Variants in RALYL observed in about 807,000 individuals in gnomAD.
The protein encoded by RALYL is RALY RNA binding protein like.
Under a neutral mutation model 35.1 loss-of-function variants are expected in RALYL, and 29 were observed. The observed-to-expected ratio is 0.83, with a 90% confidence interval of 0.61 to 1.13. The LOEUF (loss-of-function observed/expected upper bound fraction) is 1.13, where lower values mean the gene tolerates loss of function less well. RALYL is among the 50% of genes most tolerant of loss of function. The pLI is 0.00. For missense variants in RALYL, 359 were observed against 360.4 expected, an observed-to-expected ratio of 1.00 and a Z score of 0.03; for synonymous variants, 120 against 127.6, an observed-to-expected ratio of 0.94 and a Z score of 0.40.
chr8:84,268,925 G>C (rs1479651783), intron 1 of RALYL, among the ~76,000 whole-genome samples: 2 of 152,116 alleles, frequency 1.3e-5, no homozygotes, highest in African/African-American at 4.8e-5. Context: ...TAATCTACTA[G>C]CATATACAGT....
intron 2 of RALYL, among the ~76,000 whole-genome samples, chr8:84,764,680 G>A (rs1187848514): frequency 6.6e-6 from 1 of 152,156 alleles, no homozygotes; most frequent in Non-Finnish European, 1.5e-5. Flanking sequence ...AGAGGCCAAC[G>A]TGCCATAGTG....
chr8:84,412,841 T>C (rs926209767), intron 1 of RALYL, among the ~76,000 whole-genome samples: 18 of 151,882 alleles, frequency 1.2e-4, no homozygotes, highest in African/African-American at 3.4e-4. Flanking sequence ...TAGAGACATA[T>C]AGTTTAAAGT....
At chr8:84,400,599 A>T (rs2042791063) in intron 1 of RALYL, among the ~76,000 whole-genome samples, 1 of 152,170 alleles carries the variant, frequency 6.6e-6, no homozygotes. Context: ...CTGGAGCCAT[A>T]TTTCTAAATC....
intron 1 of RALYL, among the ~76,000 whole-genome samples, chr8:84,518,400 A>T (rs2058218968): frequency 6.6e-6 from 1 of 152,214 alleles, no homozygotes; most frequent in South Asian, 2.1e-4. Flanking sequence ...ATCAATAGGA[A>T]TAAGATTTAT....
chr8:84,548,693 G>A (rs1303935610), intron 2 of RALYL, among the ~76,000 whole-genome samples: 1 of 152,068 alleles, frequency 6.6e-6, no homozygotes, highest in Non-Finnish European at 1.5e-5. Flanking sequence ...CACTTTTGTT[G>A]TTTTCAAAAG....
intron 1 of RALYL, among the ~76,000 whole-genome samples, chr8:84,211,065 T>C (rs1819383669): frequency 6.6e-6 from 1 of 152,176 alleles, no homozygotes; most frequent in South Asian, 2.1e-4. Flanking sequence ...TGTGCAGATA[T>C]TGTGTGGTCA....
At position 84,379,418 on chromosome 8, in the gene RALYL, T is replaced by A. The variant is rs186422004; in HGVS notation, c.-23-149881T>A. On this transcript the variant is annotated intron_variant, in intron 1 of 8. Transcript: ENST00000521268. ...ATATTTATTAAACTATGCATCCAAG[T>A]GTTTGTGAGTAAAAATGTAGTACTT... Among the ~76,000 whole-genome samples, 462 of 152,072 alleles carry A rather than the reference T, an allele frequency of 3.0e-3. 2 individuals carry two copies. Among genetic ancestry groups the A allele is most frequent in the Middle Eastern group, 6.8e-3 (2 of 294 alleles).
intron 1 of RALYL, among the ~76,000 whole-genome samples, chr8:84,421,928 T>A (rs1031073826): frequency 2.0e-5 from 3 of 151,584 alleles, no homozygotes; most frequent in African/African-American, 7.3e-5. Context: ...AGCTTTTTGA[T>A]GTGCTGCTGG....
chr8:84,572,228 T>A (rs1172806921), intron 2 of RALYL, among the ~76,000 whole-genome samples: 3 of 95,178 alleles, frequency 3.2e-5, no homozygotes, highest in Admixed American at 9.5e-5. Context: ...TTGTTGTTTG[T>A]TTTTTGTTTT....
intron 2 of RALYL, among the ~76,000 whole-genome samples, chr8:84,595,380 A>G (rs1814255759): frequency 2.0e-5 from 3 of 152,152 alleles, no homozygotes; most frequent in African/African-American, 7.2e-5. Flanking sequence ...AATATCTCAA[A>G]GTGAACAGCT....
intron 1 of RALYL, among the ~76,000 whole-genome samples, chr8:84,260,065 C>A (rs1831968405): frequency 6.6e-6 from 1 of 152,094 alleles, no homozygotes; most frequent in Non-Finnish European, 1.5e-5. Context: ...GGCAGCTATA[C>A]AAGAAGGATT....
At chr8:84,564,824 GTAA>G (rs948931898) in intron 2 of RALYL, among the ~76,000 whole-genome samples, 2 of 151,328 alleles carry the variant, frequency 1.3e-5, no homozygotes, top group Admixed American at 1.3e-4. Flanking sequence ...ATTTTGTATT[GTAA>G]TGATTGTTCA....
chr8:84,423,927 T>C (rs929370578), intron 1 of RALYL, among the ~76,000 whole-genome samples: 5 of 151,960 alleles, frequency 3.3e-5, no homozygotes, highest in South Asian at 2.1e-4. Flanking sequence ...CTGCTGTTAG[T>C]CTGATGGGCT....
chr8:84,357,984 C>T (rs1397700453), intron 1 of RALYL, among the ~76,000 whole-genome samples: 1 of 151,432 alleles, frequency 6.6e-6, no homozygotes, highest in East Asian at 1.9e-4. Flanking sequence ...ATGTGGTTCG[C>T]CATCTACATG....
intron 2 of RALYL, among the ~76,000 whole-genome samples, chr8:84,675,448 T>A (rs1414929302): frequency 3.9e-5 from 6 of 152,140 alleles, no homozygotes; most frequent in Admixed American, 6.5e-5. Flanking sequence ...GGAATAGACC[T>A]AATTCCCCAA....
At chr8:84,748,492 C>T (rs1809186440) in intron 2 of RALYL, among the ~76,000 whole-genome samples, 1 of 151,962 alleles carries the variant, frequency 6.6e-6, no homozygotes, top group African/African-American at 2.4e-5. Context: ...GCCCCATTTT[C>T]CTAATTCTGA....
intron 8 of RALYL, among the ~76,000 whole-genome samples, chr8:84,904,337 A>C (rs1171930759): frequency 6.6e-6 from 1 of 152,168 alleles, no homozygotes; most frequent in Admixed American, 6.6e-5. Context: ...AAATTTTGTT[A>C]ACCATCGCTA....
chr8:84,705,993 T>C, intron 2 of RALYL: 1 of 1,534,974 alleles, frequency 6.5e-7, no homozygotes. Flanking sequence ...GTCAAATCAA[T>C]TACTTCTTAG....
intron 3 of RALYL, among the ~76,000 whole-genome samples, chr8:84,791,103 T>C (rs757355377): frequency 9.9e-5 from 15 of 152,112 alleles, no homozygotes; most frequent in Non-Finnish European, 1.9e-4. Context: ...TAGAAGGTAG[T>C]AGATGTTATA....
Sources: allele counts gnomAD v4.1 joint callset (sites outside exome capture counted in the v4.1 genomes callset), GRCh38; gene constraint gnomAD v4.1.1; transcripts MANE v1.5; gene names NCBI Gene and HGNC (gene_info 2026-07-23, HGNC 2026-07-21).